ZNF25: variants seen among roughly 807,000 people sequenced by gnomAD.
ZNF25 encodes the protein zinc finger protein 25.
Under a neutral mutation model 30.9 loss-of-function variants are expected in ZNF25, and 21 were observed. That is an observed-to-expected ratio of 0.68 (90% CI 0.48 to 0.98). The LOEUF is 0.98. ZNF25 is among the 50% of genes least tolerant of loss of function. The probability of loss-of-function intolerance (pLI) is 0.00; values close to 1 mark genes in which losing one functional copy is unlikely to be tolerated. For synonymous variants in ZNF25, 169 were observed against 181.3 expected (o/e 0.93, Z 0.55); for missense variants, 501 against 529.9 (o/e 0.95, Z 0.54).
rs1174709975 is a variant in ZNF25 at position 37,957,525 on chromosome 10, C to T, written c.37G>A (p.Val13Ile). ...KFQGPVTLKDVIVEFTKEEWK... is the reference protein window; with the variant it reads ...KFQGPVTLKDIIVEFTKEEWK... ...TCTTCCTTGGTGAATTCCACAATAACATCCTTTAATGTCACGGGTCCCTGG... is the reference window on the plus strand; with the variant it reads ...TCTTCCTTGGTGAATTCCACAATAATATCCTTTAATGTCACGGGTCCCTGG... The change falls in exon 3 of 6, where the codon GTT becomes ATT. Residue 13 changes from valine to isoleucine, a missense_variant. Coordinates refer to ENST00000302609, the MANE Select transcript of ZNF25 (RefSeq NM_145011.4). 1 of 1,613,684 alleles carries T rather than the reference C, an allele frequency of 6.2e-7. No homozygotes were observed. Among genetic ancestry groups the T allele is most frequent in the South Asian group, 1.1e-5 (1 of 90,988 alleles).
intron 5 of ZNF25, 98 bp from the exon 6 acceptor site, chr10:37,953,293 C>T (rs985079392): frequency 2.9e-5 from 32 of 1,119,966 alleles, no homozygotes; most frequent in South Asian, 2.7e-4. Flanking sequence ...CTCTGAGGAC[C>T]GATTTCTAGA....
At chr10:37,955,802 G>A (rs1306045991) in intron 4 of ZNF25, among the ~76,000 whole-genome samples, 4 of 152,038 alleles carry the variant, frequency 2.6e-5, no homozygotes, top group African/African-American at 9.7e-5. Flanking sequence ...CTAAGCCTCA[G>A]CCTCCCGAAT....
intron 1 of ZNF25, among the ~76,000 whole-genome samples, chr10:37,974,480 G>A (rs2063685018): frequency 6.6e-6 from 1 of 152,140 alleles, no homozygotes; most frequent in African/African-American, 2.4e-5. Context: ...TTCCACAATA[G>A]AAGACATACA....
intron 2 of ZNF25, among the ~76,000 whole-genome samples, chr10:37,962,779 A>C (rs2062960444): frequency 1.3e-5 from 2 of 152,328 alleles, no homozygotes; most frequent in South Asian, 4.1e-4. Context: ...ACTAAGAACC[A>C]GTCTATATGC....
intron 2 of ZNF25, among the ~76,000 whole-genome samples, chr10:37,966,345 T>C (rs1311503305): frequency 6.7e-6 from 1 of 149,058 alleles, no homozygotes; most frequent in East Asian, 2.0e-4. Flanking sequence ...ACCCGGGAGG[T>C]GGAGGTTGCA....
chr10:37,951,979 T>C lies in ZNF25; in HGVS notation c.*148A>G. ...TTCTCCCAAATAAATGTACAGAATC[T>C]CTCTATGTATTTGCTGATACACAGA... On this transcript the variant is annotated 3_prime_UTR_variant, in exon 6 of 6. Coordinates refer to ENST00000302609, the MANE Select transcript of ZNF25 (RefSeq NM_145011.4). 1 of 598,816 alleles carries C rather than the reference T, an allele frequency of 1.7e-6. No homozygotes were observed. Among genetic ancestry groups the C allele is most frequent in the Non-Finnish European group, 2.7e-6 (1 of 372,136 alleles). The allele number at this position is 598,816 out of a possible 1,614,324, so 37.1% of individuals were successfully genotyped here. A position where few individuals can be genotyped will look rare whatever the true frequency, so the allele number is the denominator to read the frequency against.
intron 1 of ZNF25, among the ~76,000 whole-genome samples, chr10:37,976,304 C>T (rs1280361177): frequency 6.6e-6 from 1 of 152,198 alleles, no homozygotes; most frequent in Non-Finnish European, 1.5e-5. Context: ...TGCCCAGCAC[C>T]GCAGGCCTCC....
In ZNF25 at chr10:37,951,193, C is replaced by T. The variant is rs1036969534; in HGVS notation, c.*934G>A. The T allele has an allele frequency of 3.3e-5, 5 of 152,290 alleles. No individual in the cohort carries two copies. Among genetic ancestry groups the T allele is most frequent in the Middle Eastern group, 3.4e-3 (1 of 294 alleles). 9.4% of individuals were successfully genotyped at this position (152,290 alleles called of 1,614,324 possible). On this transcript the variant is annotated 3_prime_UTR_variant, in exon 6 of 6. Coordinates refer to ENST00000302609, the MANE Select transcript of ZNF25 (RefSeq NM_145011.4). ...GCCTTATAATTTAAAAGGAATATTA[C>T]ACTTACAATACAAATATTAACAACC...
chr10:37,962,400 A>C (rs1183701048), intron 2 of ZNF25, among the ~76,000 whole-genome samples: 1 of 152,212 alleles, frequency 6.6e-6, no homozygotes, highest in Non-Finnish European at 1.5e-5. Context: ...ATACTTCTAA[A>C]TATGTTAACA....
intron 2 of ZNF25, among the ~76,000 whole-genome samples, chr10:37,966,879 C>A (rs545078049): frequency 6.6e-6 from 1 of 152,138 alleles, no homozygotes; most frequent in Non-Finnish European, 1.5e-5. Context: ...ATTAGACTCA[C>A]GAGTTAAAGG....
At chr10:37,954,091 A>G (rs1239851541) in intron 4 of ZNF25, among the ~76,000 whole-genome samples, 1 of 152,218 alleles carries the variant, frequency 6.6e-6, no homozygotes, top group East Asian at 1.9e-4. Flanking sequence ...TGGGAAGTAT[A>G]GAGAATACTG....
At chr10:37,971,950 G>A (rs2063516409) in intron 1 of ZNF25, 143 bp from the exon 2 acceptor site, 2 of 563,322 alleles carry the variant, frequency 3.6e-6, no homozygotes, top group Non-Finnish European at 6.3e-6. Flanking sequence ...ATGTTGATGA[G>A]CCTGGGACAT....
chr10:37,956,435 A>G (rs1320307999), intron 4 of ZNF25, among the ~76,000 whole-genome samples: 1 of 152,228 alleles, frequency 6.6e-6, no homozygotes, highest in Non-Finnish European at 1.5e-5. Context: ...ACAAAAAGAC[A>G]AAGTCTTACA....
At position 37,961,922 on chromosome 10, in the gene ZNF25, C is replaced by CAAAA. The variant is rs71533129; in HGVS notation, c.16-4380_16-4377dup. On this transcript the variant is annotated intron_variant, in intron 2 of 5. Transcript: ENST00000302609. Reference sequence around the variant, plus strand: ...AGCAACAAAGATTGAAACTCCATCTCAAAAAAAAAAAAAAAAAAAAAACCT... The same window carrying CAAAA: ...AGCAACAAAGATTGAAACTCCATCTCAAAAAAAAAAAAAAAAAAAAAAAAAACCT... Among the ~76,000 whole-genome samples, 57 of 39,018 alleles carry CAAAA rather than the reference C, an allele frequency of 1.5e-3. 1 individual carries two copies. Among genetic ancestry groups the CAAAA allele is most frequent in the Middle Eastern group, 0.019 (1 of 52 alleles). 25.6% of individuals were successfully genotyped at this position (39,018 alleles called of 152,430 possible). A position where few individuals can be genotyped will look rare whatever the true frequency, so the allele number is the denominator to read the frequency against.
In ZNF25 at chr10:37,951,233, GACTT is replaced by G. The variant is rs2062126653; in HGVS notation, c.*890_*893del. On this transcript the variant is annotated 3_prime_UTR_variant, in exon 6 of 6. Transcript: ENST00000302609. ...TATTAACAACCAGAGTCACTACTGA[GACTT>G]AATGTGCAACATCTTCATACACATA... The G allele has an allele frequency of 6.6e-6, 1 of 152,226 alleles. No individual in the cohort carries two copies. The highest frequency in any genetic ancestry group is 2.4e-5 in the African/African-American group (1 of 41,446). The allele number at this position is 152,226 out of a possible 1,614,324, so 9.4% of individuals were successfully genotyped here.
At chr10:37,973,595 T>TCA (rs1160893034) in intron 1 of ZNF25, among the ~76,000 whole-genome samples, 4 of 49,712 alleles carry the variant, frequency 8.0e-5, no homozygotes, top group African/African-American at 1.2e-4. Flanking sequence ...AGCCCTTGTC[T>TCA]CAAAAAAAAA....
At chr10:37,968,119 G>A (rs534406303) in intron 2 of ZNF25, among the ~76,000 whole-genome samples, 74 of 152,250 alleles carry the variant, frequency 4.9e-4, no homozygotes, top group Non-Finnish European at 9.3e-4. Context: ...GTGCAGTGGC[G>A]CCATCTCAGC....
chr10:37,971,924 T>TC, intron 1 of ZNF25, 117 bp from the exon 2 acceptor site: 1 of 621,134 alleles, frequency 1.6e-6, no homozygotes, highest in Non-Finnish European at 2.8e-6. Flanking sequence ...CCTGTCCACT[T>TC]CTGACTCTGA....
At chr10:37,955,687 CT>C (rs923999416) in intron 4 of ZNF25, among the ~76,000 whole-genome samples, 3 of 152,032 alleles carry the variant, frequency 2.0e-5, no homozygotes, top group Non-Finnish European at 1.5e-5. Context: ...TTTATTATTT[CT>C]TTTTTTCATG....
Sources: gnomAD v4.1 joint callset for allele counts (sites outside exome capture counted in the v4.1 genomes callset) on GRCh38, gnomAD v4.1.1 for gene constraint, MANE v1.5 for transcripts, NCBI Gene and HGNC (gene_info 2026-07-23, HGNC 2026-07-21) for gene names.